The following INTS10 variants were observed in gnomAD, a reference collection of about 807,000 sequenced individuals.
INTS10 encodes integrator complex subunit 10.
A neutral mutation model predicts 94.4 loss-of-function variants in INTS10; 44 were observed. The ratio of observed to expected loss-of-function variants is 0.47; its 90% CI spans 0.37 to 0.60. The LOEUF is 0.60. Ranked by LOEUF, INTS10 falls within the 20% of genes least tolerant of loss-of-function variation. The pLI is 0.00. For missense variants in INTS10, 797 were observed against 868.7 expected, an observed-to-expected ratio of 0.92 and a Z score of 1.04; for synonymous variants, 341 against 320.7, an observed-to-expected ratio of 1.06 and a Z score of -0.68.
In INTS10 at chr8:19,845,795, C is replaced by G. The variant is rs1389260107; in HGVS notation, c.1974C>G (p.Ile658Met). The G allele has an allele frequency of 3.1e-6, 5 of 1,607,824 alleles. No homozygotes were observed. Among genetic ancestry groups the G allele is most frequent in the East Asian group, 4.5e-5 (2 of 44,844 alleles). ...LELLPNQGML[I>M]KHHTVTRGIT... ...TACTACCCAATCAAGGAATGCTGAT[C>G]AAGTAAGCATGTTCTCTTTTGCTCT... is the stretch of plus-strand genomic sequence containing the variant. The change falls in exon 16 of 17, where the codon ATC becomes ATG. Residue 658 changes from isoleucine to methionine, a missense_variant and splice_region_variant. This residue lies in a region of INTS10 where 16 missense variants were observed against 39.1 expected (regional missense o/e 0.41). Transcript: ENST00000397977.
In INTS10 at chr8:19,851,597, G is replaced by A. The variant is rs376902550; in HGVS notation, c.1977-52G>A. 9.0e-5 allele frequency: 141 copies of A among 1,564,498 alleles called. No individual in the cohort carries two copies. The highest frequency in any genetic ancestry group is 1.2e-4 in the Non-Finnish European group (136 of 1,136,560). Reference sequence around the variant, plus strand: ...TCCTACCCAAGTAGCAGCGATCAGCGATGCTGGTGCTAACCCCTGGTCTTT... The same window carrying A: ...TCCTACCCAAGTAGCAGCGATCAGCAATGCTGGTGCTAACCCCTGGTCTTT... On this transcript the variant is annotated intron_variant, in intron 16 of 16. Coordinates refer to ENST00000397977, the MANE Select transcript of INTS10 (RefSeq NM_018142.4). This position sits in a 1 kb window ranked among gnomAD's most constrained non-coding sequence, Gnocchi z 5.0.
chr8:19,833,898 T>C (rs932699440), intron 12 of INTS10, among the ~76,000 whole-genome samples: 9 of 151,826 alleles, frequency 5.9e-5, no homozygotes, highest in African/African-American at 2.2e-4. Flanking sequence ...TCCCAACTAC[T>C]TGGGAGACTG....
chr8:19,829,942 AT>A (rs1274635731), intron 9 of INTS10, among the ~76,000 whole-genome samples: 1 of 152,224 alleles, frequency 6.6e-6, no homozygotes, highest in Non-Finnish European at 1.5e-5. Context: ...TGCTGGGAAT[AT>A]AGGCATAAGC....
At chr8:19,850,139 AAAAAAG>A (rs2068905965) in intron 16 of INTS10, among the ~76,000 whole-genome samples, 1 of 142,840 alleles carries the variant, frequency 7.0e-6, no homozygotes, top group Non-Finnish European at 1.5e-5. Flanking sequence ...CTCAAAAAAA[AAAAAAG>A]AAAGAAAGAA....
At chr8:19,828,204 C>G (rs1214170468) in intron 9 of INTS10, among the ~76,000 whole-genome samples, 1 of 152,130 alleles carries the variant, frequency 6.6e-6, no homozygotes, top group African/African-American at 2.4e-5. Flanking sequence ...GAGGGAGACC[C>G]CGTCTATAAA....
At position 19,824,954 on chromosome 8, in the gene INTS10, C is replaced by T. The variant is rs771917942; in HGVS notation, c.988C>T (p.Gln330Ter). Residue 330 changes from glutamine to a stop codon, truncating the protein, a stop_gained, in exon 8 of 17, where the codon CAG (glutamine) becomes TAG (stop). Transcript: ENST00000397977. LOFTEE classifies it high-confidence loss of function. ...TGCATTCCAGTATGTCAACAGCATACAGCCATCTCTCTTCCAAGGTTGGTT... is the reference window on the plus strand; with the variant it reads ...TGCATTCCAGTATGTCAACAGCATATAGCCATCTCTCTTCCAAGGTTGGTT... ...KNAFQYVNSI[Q>*]PSLFQGPNAP... is the part of the protein sequence containing the mutation. The T allele has an allele frequency of 1.9e-6, 3 of 1,613,696 alleles. No individual in the cohort carries two copies. The highest frequency in any genetic ancestry group is 1.3e-5 in the African/African-American group (1 of 74,932).
In INTS10 at chr8:19,819,297, A is replaced by T. The variant is rs781347569; in HGVS notation, c.198-276A>T. On this transcript the variant is annotated intron_variant, in intron 2 of 16. Coordinates refer to ENST00000397977, the MANE Select transcript of INTS10 (RefSeq NM_018142.4). ...TTTGCCTTTGCCTATTTTTTCTTTC[A>T]AATAGTTTGTTTTATTCTTGTTGAC... Among the ~76,000 whole-genome samples the T allele has an allele frequency of 6.6e-5, 10 of 152,244 alleles. No individual in the cohort carries two copies. Among genetic ancestry groups the T allele is most frequent in the South Asian group, 6.2e-4 (3 of 4,834 alleles).
rs762321325 is a variant in INTS10 at position 19,817,611 on chromosome 8, C to G, written c.74C>G (p.Ala25Gly). The change falls in exon 1 of 17, where the codon GCC (alanine) becomes GGC (glycine). Residue 25 changes from alanine (A) to glycine (G), a missense_variant. By Grantham distance (60) the Ala-to-Gly change is moderately conservative. Around this residue, in one of 3 missense-constraint regions of INTS10, gnomAD observed 734 missense variants for 787.8 expected, o/e 0.93. Transcript: ENST00000397977. ...RELVPQDLWAAKAWLITARSL... is the reference protein window; with the variant it reads ...RELVPQDLWAGKAWLITARSL... The stretch of plus-strand genomic sequence containing the variant: ...TTGGTGCCGCAAGACCTGTGGGCAG[C>G]CAAGGCGTGGCTGATCACGGCCCGC... The G allele has an allele frequency of 9.3e-6, 15 of 1,608,482 alleles. No individual in the cohort carries two copies. The Admixed American group carries it at 1.7e-4, about 18-fold the overall frequency.
chr8:19,849,305 C>T lies in INTS10; in HGVS notation c.1977-2344C>T. ...GTCAACATGTTCGCTGCCCATGGTT[C>T]TCAGCTCTTCGTTCCTCAGTGCTCT... On this transcript the variant is annotated intron_variant, in intron 16 of 16. Coordinates refer to ENST00000397977, the MANE Select transcript of INTS10 (RefSeq NM_018142.4). The surrounding 1 kb of genome is among the most constrained non-coding windows in gnomAD (Gnocchi z 4.6). 3.9e-6 allele frequency: 3 copies of T among 766,144 alleles called. No individual in the cohort carries two copies. In the South Asian group the frequency reaches 4.5e-5, roughly 12 times the overall value. The allele number at this position is 766,144 out of a possible 1,614,324, so 47.5% of individuals were successfully genotyped here.
rs1397655170 is a variant in INTS10, at chr8:19,842,833, G to C, written c.1640-15G>C. ...TAATAACATACATTAACCTAACATT[G>C]TGGACTTCTGTTAGGTTCGGATCTG... is the stretch of plus-strand genomic sequence containing the variant. On this transcript the variant is annotated splice_polypyrimidine_tract_variant and intron_variant, in intron 13 of 16. Transcript: ENST00000397977. 17 of 1,576,746 alleles carry C rather than the reference G, an allele frequency of 1.1e-5. No homozygotes were observed. The highest frequency in any genetic ancestry group is 1.5e-5 in the Non-Finnish European group (17 of 1,147,134).
chr8:19,828,600 A>T (rs1247577284), intron 9 of INTS10, among the ~76,000 whole-genome samples: 1 of 152,160 alleles, frequency 6.6e-6, no homozygotes. Context: ...TGAGGCAGGA[A>T]TGTTTTCTGT....
intron 9 of INTS10, among the ~76,000 whole-genome samples, 172 bp downstream of exon 9, chr8:19,826,731 G>C (rs1259912543): frequency 6.6e-6 from 1 of 152,108 alleles, no homozygotes; most frequent in African/African-American, 2.4e-5. Flanking sequence ...TTTGCCCTCA[G>C]GGGACATTTG....
At position 19,818,279 on chromosome 8, in the gene INTS10, A is replaced by C; in HGVS notation, c.134A>C (p.Glu45Ala). The C allele has an allele frequency of 1.2e-6, 2 of 1,614,126 alleles. No individual in the cohort carries two copies. The highest frequency in any genetic ancestry group is 1.7e-6 in the Non-Finnish European group (2 of 1,180,008). The change falls in exon 2 of 17, where the codon GAG becomes GCG. Residue 45 changes from glutamate to alanine, a missense_variant. Transcript: ENST00000397977. ...GGTGCCTGATGTGTGTTGCAGTATG[A>C]GATGTACACCATCGAGCGGAATGCA... ...LYPADFNIQY[E>A]MYTIERNAER...
intron 4 of INTS10, chr8:19,821,130 T>A (rs1215670688): frequency 6.6e-6 from 1 of 152,242 alleles, no homozygotes; most frequent in Admixed American, 6.5e-5. Flanking sequence ...TTTTCTGGCG[T>A]CTGGCCCGGG....
intron 9 of INTS10, among the ~76,000 whole-genome samples, chr8:19,827,598 A>G (rs1351593739): frequency 1.3e-5 from 2 of 151,974 alleles, no homozygotes; most frequent in Non-Finnish European, 2.9e-5. Flanking sequence ...GGGAATTCTC[A>G]TTGATCCCTC....
chr8:19,849,139 C>G lies in INTS10; in HGVS notation c.1977-2510C>G. On this transcript the variant is annotated intron_variant, in intron 16 of 16. Transcript: ENST00000397977. The surrounding 1 kb of genome is among the most constrained non-coding windows in gnomAD (Gnocchi z 4.6). ...GTGAGTCGGTGTGGGTGTTTGAATG[C>G]TGCTGTTTGCTGTTTTTTAAAGGCC... The G allele has an allele frequency of 8.1e-7, 1 of 1,240,210 alleles. No individual in the cohort carries two copies. The highest frequency in any genetic ancestry group is 1.1e-6 in the Non-Finnish European group (1 of 943,580). 76.8% of individuals were successfully genotyped at this position (1,240,210 alleles called of 1,614,324 possible).
In INTS10 at chr8:19,851,891, T is replaced by A; in HGVS notation, c.*86T>A. ...CAGTGATTGCCATGGCACAGAGCCGTGGTCATTGTTGCTGTTACAAAGAAG... is the reference window on the plus strand; with the variant it reads ...CAGTGATTGCCATGGCACAGAGCCGAGGTCATTGTTGCTGTTACAAAGAAG... On this transcript the variant is annotated 3_prime_UTR_variant, in exon 17 of 17. Transcript: ENST00000397977. This position sits in a 1 kb window ranked among gnomAD's most constrained non-coding sequence, Gnocchi z 5.0. The A allele has an allele frequency of 8.4e-7, 1 of 1,196,644 alleles. No individual in the cohort carries two copies. Among genetic ancestry groups the A allele is most frequent in the South Asian group, 1.4e-5 (1 of 72,646 alleles). 74.1% of individuals were successfully genotyped at this position (1,196,644 alleles called of 1,614,324 possible).
chr8:19,819,096 G>A (rs2066167443), intron 2 of INTS10, among the ~76,000 whole-genome samples: 2 of 152,138 alleles, frequency 1.3e-5, no homozygotes, highest in South Asian at 4.1e-4. Flanking sequence ...TGTATAAAGA[G>A]TGTGTTTTCC....
chr8:19,832,648 C>T (rs141529388), intron 11 of INTS10, among the ~76,000 whole-genome samples: 133 of 152,362 alleles, frequency 8.7e-4, no homozygotes, highest in African/African-American at 3.1e-3. Context: ...TCACACCTCT[C>T]TGTAAAAGTA....
Sources: gnomAD v4.1 joint callset for allele counts (sites outside exome capture counted in the v4.1 genomes callset) on GRCh38, gnomAD v4.1.1 for gene constraint, gnomAD v4.1.1 regional missense constraint, Gnocchi (gnomAD v3.1) non-coding constraint, MANE v1.5 for transcripts, NCBI Gene and HGNC (gene_info 2026-07-23, HGNC 2026-07-21) for gene names.